The following GALNT13 variants were observed in gnomAD, a reference collection of about 807,000 sequenced individuals.
GALNT13 encodes the protein polypeptide N-acetylgalactosaminyltransferase 13, also known as UDP-GalNAc:polypeptide N-acetylgalactosaminyltransferase 13.
Under a neutral mutation model 64.2 loss-of-function variants are expected in GALNT13, and 28 were observed. That is an observed-to-expected ratio of 0.44 (90% confidence interval 0.32 to 0.60). GALNT13 has a LOEUF of 0.60. Ranked by LOEUF, GALNT13 falls within the 20% of genes least tolerant of loss-of-function variation. The pLI is 0.05. For synonymous variants in GALNT13, 214 were observed against 224.6 expected (o/e 0.95, Z 0.42); for missense variants, 577 against 669.8 (o/e 0.86, Z 1.53).
chr2:153,496,711 C>T, the GALNT13 span, among the ~76,000 whole-genome samples: 2 of 152,066 alleles, frequency 1.3e-5, no homozygotes, highest in Non-Finnish European at 2.9e-5. Flanking sequence ...CTTGGCTGGG[C>T]ACAGTGGCTC....
intron 3 of GALNT13, among the ~76,000 whole-genome samples, chr2:153,975,991 G>T (rs561839212): frequency 5.3e-5 from 8 of 151,944 alleles, no homozygotes; most frequent in Non-Finnish European, 1.2e-4. Context: ...GGGGGAAAAA[G>T]AAAAATAAAT....
At chr2:154,138,834 C>T (rs998270381) in intron 3 of GALNT13, among the ~76,000 whole-genome samples, 3 of 151,932 alleles carry the variant, frequency 2.0e-5, no homozygotes, top group Non-Finnish European at 4.4e-5. Context: ...CATATACTAA[C>T]ACCTAAAGAA....
the GALNT13 span, among the ~76,000 whole-genome samples, chr2:153,574,396 T>C: frequency 6.6e-6 from 1 of 152,110 alleles, no homozygotes; most frequent in Non-Finnish European, 1.5e-5. Context: ...TATCTCTAGA[T>C]TTGGGGAGTT....
At chr2:153,592,362 T>C in the GALNT13 span, among the ~76,000 whole-genome samples, 223 of 152,260 alleles carry the variant, frequency 1.5e-3, no homozygotes, top group African/African-American at 5.2e-3. Context: ...AATAAATCAG[T>C]ATATCAAAAT....
At chr2:153,068,715 T>C in the GALNT13 span, among the ~76,000 whole-genome samples, 73,231 of 152,002 alleles carry the variant, frequency 0.48, 19,930 homozygotes, top group Middle Eastern at 0.65. Flanking sequence ...AGTGCTGTCC[T>C]GGATTTGCTA....
At chr2:153,874,676 G>A (rs1445684253) in intron 1 of GALNT13, among the ~76,000 whole-genome samples, 1 of 152,088 alleles carries the variant, frequency 6.6e-6, no homozygotes, top group African/African-American at 2.4e-5. Flanking sequence ...TAAGGAGCCT[G>A]CAGCTAAATT....
At chr2:153,869,257 CA>C (rs1211722204), upstream of GALNT13, among the ~76,000 whole-genome samples, 1 of 152,026 alleles carries the variant, frequency 6.6e-6, no homozygotes, top group African/African-American at 2.4e-5. Flanking sequence ...AAATAAAAGT[CA>C]TACAGTTTAG....
intron 2 of GALNT13, among the ~76,000 whole-genome samples, chr2:153,909,420 G>C (rs899343643): frequency 6.6e-6 from 1 of 151,906 alleles, no homozygotes; most frequent in Non-Finnish European, 1.5e-5. Flanking sequence ...GTATGTATAT[G>C]CTTTATTTCT....
chr2:153,893,565 G>A (rs938480835), intron 1 of GALNT13, among the ~76,000 whole-genome samples: 6 of 151,792 alleles, frequency 4.0e-5, no homozygotes, highest in Non-Finnish European at 8.8e-5. Context: ...TACATATATA[G>A]GCACATGTAT....
chr2:153,997,485 C>T (rs140293069), intron 3 of GALNT13, among the ~76,000 whole-genome samples: 6 of 150,856 alleles, frequency 4.0e-5, no homozygotes, highest in African/African-American at 1.5e-4. Flanking sequence ...TTTGCTATTG[C>T]CTTAGAAAAA....
the GALNT13 span, among the ~76,000 whole-genome samples, chr2:153,673,808 C>T: frequency 6.6e-6 from 1 of 152,258 alleles, no homozygotes; most frequent in Admixed American, 6.5e-5. Flanking sequence ...TAGAGAACCC[C>T]ATCATCTCAG....
At chr2:153,494,775 C>G in the GALNT13 span, among the ~76,000 whole-genome samples, 1 of 152,044 alleles carries the variant, frequency 6.6e-6, no homozygotes, top group African/African-American at 2.4e-5. Context: ...AATTTAACAA[C>G]TTTGCACTTT....
At chr2:154,267,332 T>G (rs1242140481) in intron 8 of GALNT13, among the ~76,000 whole-genome samples, 1 of 152,044 alleles carries the variant, frequency 6.6e-6, no homozygotes, top group South Asian at 2.1e-4. Context: ...TAGATATCAT[T>G]AAAATTTAAA....
At chr2:154,064,919 A>G (rs1296020120) in intron 3 of GALNT13, among the ~76,000 whole-genome samples, 1 of 152,084 alleles carries the variant, frequency 6.6e-6, no homozygotes, top group African/African-American at 2.4e-5. Flanking sequence ...TGAAACACCA[A>G]TCAGGATCTT....
the GALNT13 span, among the ~76,000 whole-genome samples, chr2:153,406,722 G>A: frequency 9.2e-5 from 14 of 152,200 alleles, no homozygotes; most frequent in South Asian, 2.7e-3. Context: ...ATTCTCTTAA[G>A]CATTTTAAAC....
chr2:154,298,546 ATAAATT>A (rs1469463017), intron 8 of GALNT13, among the ~76,000 whole-genome samples: 1 of 89,824 alleles, frequency 1.1e-5, no homozygotes, highest in Non-Finnish European at 2.2e-5. Context: ...ATATTTATAT[ATAAATT>A]GTATATATAA....
intron 4 of GALNT13, among the ~76,000 whole-genome samples, chr2:154,151,448 G>A (rs879167214): frequency 4.6e-5 from 7 of 152,202 alleles, no homozygotes; most frequent in African/African-American, 9.6e-5. Flanking sequence ...TATTAGGTCC[G>A]CTTGGTGCAG....
intron 3 of GALNT13, among the ~76,000 whole-genome samples, chr2:154,021,690 T>A (rs1031174325): frequency 4.6e-5 from 7 of 151,776 alleles, no homozygotes; most frequent in African/African-American, 1.7e-4. Flanking sequence ...GAATACCCTT[T>A]ATTTCCTTCT....
the GALNT13 span, among the ~76,000 whole-genome samples, chr2:153,796,369 T>C: frequency 6.6e-6 from 1 of 152,334 alleles, no homozygotes; most frequent in Admixed American, 6.5e-5. Context: ...GCTGGGATCC[T>C]GCTTTATGCA....
Sources: gnomAD v4.1 joint callset for allele counts (sites outside exome capture counted in the v4.1 genomes callset) on GRCh38, gnomAD v4.1.1 for gene constraint, MANE v1.5 for transcripts, NCBI Gene and HGNC (gene_info 2026-07-23, HGNC 2026-07-21) for gene names.